ABCA9: variants seen among roughly 807,000 people sequenced by gnomAD.
ABCA9 encodes the protein ATP-binding cassette sub-family A member 9.
A neutral mutation model predicts 205.3 loss-of-function variants in ABCA9; 183 were observed. The ratio of observed to expected loss-of-function variants is 0.89; its 90% CI spans 0.79 to 1.01. ABCA9 has a LOEUF of 1.01. Ranked by LOEUF, ABCA9 falls within the 50% of genes least tolerant of loss-of-function variation. ABCA9 has a pLI of 0.00. For missense variants in ABCA9, 1,805 were observed against 1,912.4 expected, an observed-to-expected ratio of 0.94 and a Z score of 1.05; for synonymous variants, 651 against 683.3, an observed-to-expected ratio of 0.95 and a Z score of 0.74.
Position 69,024,341 on chromosome 17 carries a change from A to C in ABCA9, c.2154T>G (p.Asn718Lys), listed in dbSNP as rs775508966. The C allele has an allele frequency of 1.9e-6, 3 of 1,584,332 alleles. No homozygotes were observed. The South Asian group carries it at 3.5e-5, about 18-fold the overall frequency. Residue 718 changes from asparagine (N) to lysine (K), a missense_variant, in exon 17 of 39, where the codon AAT becomes AAG. Coordinates refer to ENST00000340001, the MANE Select transcript of ABCA9 (RefSeq NM_080283.4). Reference sequence around the variant, plus strand: ...TTATACTCTCTGGATCACACCTTTCATTCAGATGCAAACTAACATTTAAAA... The same window carrying C: ...TTATACTCTCTGGATCACACCTTTCCTTCAGATGCAAACTAACATTTAAAA... ...GIGYHLSLHL[N>K]ERCDPESITS...
intron 37 of ABCA9, among the ~76,000 whole-genome samples, chr17:68,978,679 T>C (rs940450176): frequency 6.6e-6 from 1 of 152,176 alleles, no homozygotes; most frequent in African/African-American, 2.4e-5. Context: ...ACAAAATCTC[T>C]CAGCATTTGC....
chr17:69,025,589 A>G (rs2070954524), intron 16 of ABCA9, among the ~76,000 whole-genome samples: 1 of 152,160 alleles, frequency 6.6e-6, no homozygotes, highest in Non-Finnish European at 1.5e-5. Flanking sequence ...AACAAGTAGT[A>G]ATGATAGATT....
At chr17:69,057,861 C>T (rs957607761) in intron 1 of ABCA9, among the ~76,000 whole-genome samples, 1 of 151,812 alleles carries the variant, frequency 6.6e-6, no homozygotes, top group Non-Finnish European at 1.5e-5. Context: ...ATTCCTGAAA[C>T]AATAAAGTAT....
At chr17:69,060,516 A>T (rs1185474298) in intron 1 of ABCA9, among the ~76,000 whole-genome samples, 2 of 137,756 alleles carry the variant, frequency 1.5e-5, no homozygotes, top group East Asian at 6.5e-4. Context: ...CTGGCAGTAA[A>T]ATTAAAAACA....
chr17:69,044,747 A>T (rs2071655415), intron 4 of ABCA9, 147 bp from the exon 5 acceptor site: 1 of 616,276 alleles, frequency 1.6e-6, no homozygotes, highest in Non-Finnish European at 2.8e-6. Flanking sequence ...GAGCACACCC[A>T]AACGGAATAT....
Position 69,008,721 on chromosome 17 carries a change from A to G in ABCA9, c.3148-486T>C, listed in dbSNP as rs2070257988. Among the ~76,000 whole-genome samples the G allele has an allele frequency of 2.0e-5, 3 of 152,230 alleles. No homozygotes were observed. In the South Asian group the frequency reaches 6.2e-4, roughly 32 times the overall value. On this transcript the variant is annotated intron_variant, in intron 23 of 38. Transcript: ENST00000340001. ...AAAACTGTTTAGGTTGGAATCGGCA[A>G]GACTGCCTTTAAAATGTTGCACTAT...
intron 29 of ABCA9, 107 bp downstream of exon 29, chr17:68,990,730 T>C: frequency 1.4e-6 from 2 of 1,389,236 alleles, no homozygotes; most frequent in South Asian, 2.6e-5. Context: ...GCTGTATGTG[T>C]AAGAATGAAA....
chr17:69,020,354 A>C, intron 19 of ABCA9, 34 bp downstream of exon 19: 1 of 1,551,622 alleles, frequency 6.4e-7, no homozygotes, highest in Non-Finnish European at 8.7e-7. Flanking sequence ...TTTAGTTCAC[A>C]GACAAAACAA....
At chr17:68,982,455 G>T in intron 37 of ABCA9, 107 bp downstream of exon 37, 1 of 851,170 alleles carries the variant, frequency 1.2e-6, no homozygotes, top group Non-Finnish European at 1.9e-6. Flanking sequence ...ATGTATTAAT[G>T]ATATAACAGC....
At chr17:69,069,250 A>T in the ABCA9 span, among the ~76,000 whole-genome samples, 1 of 152,362 alleles carries the variant, frequency 6.6e-6, no homozygotes, top group South Asian at 2.1e-4. Flanking sequence ...AGCCAAGATC[A>T]GCTTACCTGG....
chr17:68,990,691 C>T, intron 29 of ABCA9, 146 bp downstream of exon 29: 1 of 933,868 alleles, frequency 1.1e-6, no homozygotes, highest in Non-Finnish European at 1.6e-6. Context: ...ATTTGTGGGC[C>T]TTGCATACCT....
intron 7 of ABCA9, 26 bp from the exon 8 acceptor site, chr17:69,035,457 G>A: frequency 2.0e-6 from 3 of 1,529,722 alleles, no homozygotes; most frequent in Admixed American, 2.2e-5. Flanking sequence ...GACTTCAGCT[G>A]GTATATAATT....
At chr17:68,979,460 G>T (rs1171241644) in intron 37 of ABCA9, among the ~76,000 whole-genome samples, 1 of 150,858 alleles carries the variant, frequency 6.6e-6, no homozygotes, top group Non-Finnish European at 1.5e-5. Flanking sequence ...AACCAAAAAA[G>T]AGCCTGCATT....
intron 23 of ABCA9, 70 bp from the exon 24 acceptor site, chr17:69,008,305 G>T: frequency 1.4e-6 from 2 of 1,391,330 alleles, no homozygotes; most frequent in African/African-American, 1.5e-5. Context: ...CAAATATACA[G>T]TCATGAAAGC....
chr17:69,043,740 A>G (rs1266663190), intron 5 of ABCA9, 25 bp from the exon 6 acceptor site: 1 of 1,535,610 alleles, frequency 6.5e-7, no homozygotes, highest in Non-Finnish European at 8.8e-7. Flanking sequence ...CAATGAACAA[A>G]TTGTTATCAT....
At position 68,997,594 on chromosome 17, in the gene ABCA9, CTT is replaced by C; in HGVS notation, c.3436-1582_3436-1581del. On this transcript the variant is annotated intron_variant, in intron 25 of 38. Transcript: ENST00000340001. Reference sequence around the variant, plus strand: ...TAATTTGTTCCTGGGTATTTTTTTTCTTTTTTTTTTTTTTTTGTTAAAAGGAT... The same window carrying C: ...TAATTTGTTCCTGGGTATTTTTTTTCTTTTTTTTTTTTTTGTTAAAAGGAT... Among the ~76,000 whole-genome samples the C allele has an allele frequency of 7.8e-3, 974 of 125,400 alleles. 14 individuals are homozygous for C. The highest frequency in any genetic ancestry group is 0.025 in the African/African-American group (872 of 34,784). The allele number at this position is 125,400 out of a possible 152,430, so 82.3% of individuals were successfully genotyped here. A position where few individuals can be genotyped will look rare whatever the true frequency, so the allele number is the denominator to read the frequency against.
chr17:69,009,377 CAG>C (rs1311588796), intron 23 of ABCA9, among the ~76,000 whole-genome samples: 1 of 151,932 alleles, frequency 6.6e-6, no homozygotes, highest in Non-Finnish European at 1.5e-5. Context: ...GCACTGTGGG[CAG>C]AGAGAACAGC....
In ABCA9 at chr17:69,004,336, C is replaced by G. The variant is rs1440546818; in HGVS notation, c.3435+3423G>C. Among the ~76,000 whole-genome samples, 7 of 152,272 alleles carry G rather than the reference C, an allele frequency of 4.6e-5. No individual in the cohort carries two copies. In the East Asian group the frequency reaches 5.8e-4, roughly 13 times the overall value. ...TTCTGTTTGTTAGTTTTCCTTCTAA[C>G]GGACAGGACCCTGAGCTGCAGGTCT... is the stretch of plus-strand genomic sequence containing the variant. On this transcript the variant is annotated intron_variant, in intron 25 of 38. Transcript: ENST00000340001.
chr17:69,055,199 G>A (rs991142613), intron 1 of ABCA9, among the ~76,000 whole-genome samples: 9 of 152,230 alleles, frequency 5.9e-5, no homozygotes, highest in African/African-American at 2.2e-4. Flanking sequence ...CCAATTAAAA[G>A]ACAGAGATTG....
Sources: gnomAD v4.1 joint callset for allele counts (sites outside exome capture counted in the v4.1 genomes callset) on GRCh38, gnomAD v4.1.1 for gene constraint, MANE v1.5 for transcripts, NCBI Gene and HGNC (gene_info 2026-07-23, HGNC 2026-07-21) for gene names.